Variants in ZNF652 observed in about 807,000 individuals in gnomAD.
ZNF652 encodes zinc finger protein 652.
A neutral mutation model predicts 45.2 loss-of-function variants in ZNF652; 16 were observed. The observed-to-expected ratio is 0.35, with a 90% CI of 0.24 to 0.54. The LOEUF is 0.54. Among genes scored for constraint, ZNF652 ranks in the 20% least tolerant of loss-of-function variants. The probability of loss-of-function intolerance (pLI) is 0.91; values close to 1 mark genes in which losing one functional copy is unlikely to be tolerated. For synonymous variants in ZNF652, 250 were observed against 260.6 expected (o/e 0.96, Z 0.39); for missense variants, 614 against 765.6 (o/e 0.80, Z 2.34).
At chr17:49,288,837 C>T (rs993896151), downstream of ZNF652, among the ~76,000 whole-genome samples, 17 of 152,210 alleles carry the variant, frequency 1.1e-4, no homozygotes, top group African/African-American at 4.1e-4. Flanking sequence ...CTGTTTCCAT[C>T]TGTGTTGATT....
At chr17:49,304,034 G>A (rs898161517) in intron 5 of ZNF652, among the ~76,000 whole-genome samples, 56 of 147,744 alleles carry the variant, frequency 3.8e-4, no homozygotes, top group Admixed American at 2.0e-3. Flanking sequence ...GACTACAGGC[G>A]CCCGCCACCA....
At chr17:49,318,419 A>G (rs1436774266) in intron 1 of ZNF652, among the ~76,000 whole-genome samples, 1 of 152,178 alleles carries the variant, frequency 6.6e-6, no homozygotes, top group Admixed American at 6.6e-5. Context: ...TTAACTGCTT[A>G]AATGTTTCAG....
intron 5 of ZNF652, among the ~76,000 whole-genome samples, chr17:49,308,672 C>T (rs953467443): frequency 5.9e-5 from 9 of 151,752 alleles, no homozygotes; most frequent in African/African-American, 1.5e-4. Context: ...CACGGTGGTG[C>T]GCACCTGTAG....
chr17:49,306,050 C>T (rs2069624431), intron 5 of ZNF652, among the ~76,000 whole-genome samples: 1 of 152,196 alleles, frequency 6.6e-6, no homozygotes, highest in Non-Finnish European at 1.5e-5. Flanking sequence ...TTAGGTATTA[C>T]TGTCATTCTT....
intron 1 of ZNF652, among the ~76,000 whole-genome samples, chr17:49,340,623 C>G (rs1023624769): frequency 6.7e-6 from 1 of 150,146 alleles, no homozygotes; most frequent in Non-Finnish European, 1.5e-5. Context: ...GTTCATTAAG[C>G]TTTTAAAAAC....
At chr17:49,362,306 C>T (rs2070410195), upstream of ZNF652, 1 of 151,278 alleles carries the variant, frequency 6.6e-6, no homozygotes, top group African/African-American at 2.4e-5. Flanking sequence ...TCGCTGGCCC[C>T]CCCGCCCAAC....
At chr17:49,358,627 G>A (rs1293184786) in intron 1 of ZNF652, among the ~76,000 whole-genome samples, 1 of 152,106 alleles carries the variant, frequency 6.6e-6, no homozygotes, top group African/African-American at 2.4e-5. Flanking sequence ...TTAGGCTTCA[G>A]ACATTCAAAA....
chr17:49,298,805 G>A lies in ZNF652; in HGVS notation c.1429C>T (p.Arg477Trp), dbSNP rs759269278. ...KPYPCDVCGQ[R>W]FRFSNMLKAH... ...TTAAGCATGTTCGAGAAGCGGAACC[G>A]CTGGCCACACACATCACATGGATAG... is the stretch of plus-strand genomic sequence containing the variant. Residue 477 changes from arginine to tryptophan, a missense_variant, in exon 6 of 6, where the codon CGG (arginine) becomes TGG (tryptophan). Physicochemically the swap from Arg to Trp is moderately radical, Grantham distance 101. Coordinates refer to ENST00000430262, the MANE Select transcript of ZNF652 (RefSeq NM_001145365.3). 5 of 1,613,920 alleles carry A rather than the reference G, an allele frequency of 3.1e-6. No individual in the cohort carries two copies. Among genetic ancestry groups the A allele is most frequent in the East Asian group, 2.2e-5 (1 of 44,892 alleles).
At position 49,298,854 on chromosome 17, in the gene ZNF652, G is replaced by A. The variant is rs1336550554; in HGVS notation, c.1380C>T (p.Arg460=). Residue 460 remains arginine, a synonymous_variant, in exon 6 of 6, where the codon CGC becomes CGT. Coordinates refer to ENST00000430262, the MANE Select transcript of ZNF652 (RefSeq NM_001145365.3). ...AGGGCTTCTCGCCTGTGTGAGTTCT[G>A]CGGTGTCTCTTCATGTTGGGGCGGC... ...FTSRPNMKRH[R]RTHTGEKPYP... The A allele has an allele frequency of 6.2e-7, 1 of 1,613,844 alleles. No individual in the cohort carries two copies. Among genetic ancestry groups the A allele is most frequent in the African/African-American group, 1.3e-5 (1 of 74,906 alleles).
Position 49,317,997 on chromosome 17 carries a change from C to A in ZNF652, c.-258-14G>T. On this transcript the variant is annotated splice_polypyrimidine_tract_variant and intron_variant, in intron 1 of 5. Coordinates refer to ENST00000430262, the MANE Select transcript of ZNF652 (RefSeq NM_001145365.3). ...GGAGCATCTTATCTACAAAGAAAAG[C>A]AAAGAGGAAAAAAATCAGGTAATAC... 1 of 314,034 alleles carries A rather than the reference C, an allele frequency of 3.2e-6. No individual in the cohort carries two copies. The highest frequency in any genetic ancestry group is 5.8e-6 in the Non-Finnish European group (1 of 173,192). The allele number at this position is 314,034 out of a possible 1,614,324, so 19.5% of individuals were successfully genotyped here.
At chr17:49,343,152 G>A (rs1162431221) in intron 1 of ZNF652, among the ~76,000 whole-genome samples, 1 of 152,152 alleles carries the variant, frequency 6.6e-6, no homozygotes, top group Non-Finnish European at 1.5e-5. Flanking sequence ...AAAGTGCTGG[G>A]ATTACAGGCG....
chr17:49,319,875 A>T (rs1036866155), intron 1 of ZNF652, among the ~76,000 whole-genome samples: 18 of 152,024 alleles, frequency 1.2e-4, no homozygotes, highest in Admixed American at 1.1e-3. Flanking sequence ...TGATTTTTAA[A>T]TTTTTTATCA....
intron 1 of ZNF652, among the ~76,000 whole-genome samples, chr17:49,357,234 G>A (rs528514066): frequency 3.7e-4 from 56 of 151,908 alleles, no homozygotes; most frequent in Non-Finnish European, 7.1e-4. Context: ...AGGAGAAGGA[G>A]GTTGCAGTGA....
At position 49,295,322 on chromosome 17, in the gene ZNF652, T is replaced by C. The variant is rs1267102891; in HGVS notation, c.*3091A>G. ...CACAAGTCTCAAGTCAAGGAAAGTA[T>C]CCTTAATCTAGGGGAAAAAAAGGAA... On this transcript the variant is annotated 3_prime_UTR_variant, in exon 6 of 6. Coordinates refer to ENST00000430262, the MANE Select transcript of ZNF652 (RefSeq NM_001145365.3). The C allele has an allele frequency of 6.6e-6, 1 of 151,858 alleles. No homozygotes were observed. The highest frequency in any genetic ancestry group is 2.4e-5 in the African/African-American group (1 of 41,404). The allele number at this position is 151,858 out of a possible 1,614,324, so 9.4% of individuals were successfully genotyped here. A position where few individuals can be genotyped will look rare whatever the true frequency, so the allele number is the denominator to read the frequency against.
At chr17:49,311,885 A>G (rs1405728587) in intron 4 of ZNF652, 42 bp downstream of exon 4, 1 of 1,532,652 alleles carries the variant, frequency 6.5e-7, no homozygotes. Context: ...CTATGCAAAC[A>G]CTAGCCCCTA....
At chr17:49,339,196 A>ATTTTTTTTTTTTTT (rs766243923) in intron 1 of ZNF652, among the ~76,000 whole-genome samples, 1 of 101,772 alleles carries the variant, frequency 9.8e-6, no homozygotes. Flanking sequence ...TGAGTTAGGA[A>ATTTTTTTTTTTTTT]ATTTTTTTTT....
intron 1 of ZNF652, among the ~76,000 whole-genome samples, chr17:49,319,398 G>A (rs187400076): frequency 1.3e-5 from 2 of 151,922 alleles, no homozygotes; most frequent in Non-Finnish European, 2.9e-5. Context: ...ACTTTGGGAG[G>A]CCAACGTAGT....
At chr17:49,346,026 CTGCCATG>C (rs1156904853) in intron 1 of ZNF652, among the ~76,000 whole-genome samples, 1 of 152,118 alleles carries the variant, frequency 6.6e-6, no homozygotes, top group Non-Finnish European at 1.5e-5. Context: ...TATTGAGCAC[CTGCCATG>C]TGCCAAGTGC....
chr17:49,299,125 G>A (rs530993517), intron 5 of ZNF652, among the ~76,000 whole-genome samples: 3 of 151,056 alleles, frequency 2.0e-5, no homozygotes, highest in East Asian at 3.9e-4. Context: ...CTATGAGACT[G>A]TATTCTAGAG....
Sources: allele counts gnomAD v4.1 joint callset (sites outside exome capture counted in the v4.1 genomes callset), GRCh38; gene constraint gnomAD v4.1.1; transcripts MANE v1.5; gene names NCBI Gene and HGNC (gene_info 2026-07-23, HGNC 2026-07-21).